Variants in ACO2 observed in about 807,000 individuals in gnomAD.
The protein encoded by ACO2 is aconitase 2.
A neutral mutation model predicts 84.5 loss-of-function variants in ACO2; 31 were observed. The observed-to-expected ratio is 0.37, with a 90% confidence interval of 0.28 to 0.50. ACO2 has a LOEUF of 0.50. ACO2 is among the 20% of genes least tolerant of loss of function. ACO2 has a pLI of 0.97. For missense variants in ACO2, 685 were observed against 1,029.3 expected (o/e 0.67, Z 4.58); for synonymous variants, 414 against 412.7 (o/e 1.00, Z -0.04).
chr22:41,494,278 A>G (rs1192601754), intron 1 of ACO2, among the ~76,000 whole-genome samples: 1 of 152,164 alleles, frequency 6.6e-6, no homozygotes, highest in African/African-American at 2.4e-5. Flanking sequence ...CCCGCCTGAG[A>G]TAATCATAGG....
chr22:41,526,467 G>T lies in ACO2; in HGVS notation c.1953+14G>T. 1 of 1,606,066 alleles carries T rather than the reference G, an allele frequency of 6.2e-7. No homozygotes were observed. Among genetic ancestry groups the T allele is most frequent in the Non-Finnish European group, 8.5e-7 (1 of 1,174,722 alleles). On this transcript the variant is annotated intron_variant, in intron 15 of 17. Coordinates refer to ENST00000216254, the MANE Select transcript of ACO2 (RefSeq NM_001098.3). ...CGCTACTACAAGGTGGGTCAGAGTT[G>T]ATAGGGGCAATGCCAGTGGTCACTC... is the stretch of plus-strand genomic sequence containing the variant.
chr22:41,507,393 T>G (rs1413040701), intron 2 of ACO2, among the ~76,000 whole-genome samples: 1 of 152,046 alleles, frequency 6.6e-6, no homozygotes, highest in African/African-American at 2.4e-5. Context: ...CTGAGCCTGT[T>G]TCTTGGTTGT....
At chr22:41,487,838 G>A (rs1451426290) in intron 1 of ACO2, among the ~76,000 whole-genome samples, 1 of 152,008 alleles carries the variant, frequency 6.6e-6, no homozygotes, top group African/African-American at 2.4e-5. Flanking sequence ...TGCTCTTCCC[G>A]TTGCCTTCCC....
intron 1 of ACO2, among the ~76,000 whole-genome samples, chr22:41,485,257 C>T (rs1436806788): frequency 1.3e-5 from 2 of 151,748 alleles, no homozygotes; most frequent in Admixed American, 6.6e-5. Flanking sequence ...GCCACACCCT[C>T]CCCTGCCTGG....
In ACO2 at chr22:41,528,097, G is replaced by A. The variant is rs551215620; in HGVS notation, c.2208+75G>A. The stretch of plus-strand genomic sequence containing the variant: ...TGTTTCCCCTCCTGCACTGGCCCCA[G>A]GGTAGCTTCTCCCAGGAGGCTTCAT... On this transcript the variant is annotated intron_variant, in intron 17 of 17. Coordinates refer to ENST00000216254, the MANE Select transcript of ACO2 (RefSeq NM_001098.3). 6.5e-5 allele frequency: 104 copies of A among 1,595,960 alleles called. No homozygotes were observed. The East Asian group carries it at 2.1e-3, about 33-fold the overall frequency.
intron 1 of ACO2, among the ~76,000 whole-genome samples, chr22:41,492,595 G>A (rs2066279607): frequency 6.6e-6 from 1 of 152,150 alleles, no homozygotes; most frequent in Non-Finnish European, 1.5e-5. Context: ...CCAACATGGT[G>A]AAACCCCGTC....
chr22:41,480,427 A>C (rs1438924260), intron 1 of ACO2, among the ~76,000 whole-genome samples: 1 of 152,120 alleles, frequency 6.6e-6, no homozygotes, highest in Non-Finnish European at 1.5e-5. Flanking sequence ...GTTCCATTTC[A>C]ATTCCAAGAT....
intron 15 of ACO2, chr22:41,526,762 AG>A (rs1435647399): frequency 2.7e-5 from 10 of 363,926 alleles, no homozygotes; most frequent in Non-Finnish European, 4.0e-5. Context: ...AAGCTCAGAG[AG>A]GGGGCTACAC....
At chr22:41,493,968 A>G (rs1485299604) in intron 1 of ACO2, among the ~76,000 whole-genome samples, 1 of 147,184 alleles carries the variant, frequency 6.8e-6, no homozygotes, top group Non-Finnish European at 1.5e-5. Context: ...TGGAGACAGG[A>G]GAATTGCTTG....
chr22:41,528,038 C>T lies in ACO2; in HGVS notation c.2208+16C>T, dbSNP rs377746508. 19 of 1,613,866 alleles carry T rather than the reference C, an allele frequency of 1.2e-5. No homozygotes were observed. The highest frequency in any genetic ancestry group is 3.3e-5 in the South Asian group (3 of 91,076). ...CCCTGGCAAGGTTAGGGGCCCGGGTCCCCCTGAGGTGGTGGGGTGAGGGGC... is the reference window on the plus strand; with the variant it reads ...CCCTGGCAAGGTTAGGGGCCCGGGTTCCCCTGAGGTGGTGGGGTGAGGGGC... On this transcript the variant is annotated intron_variant, in intron 17 of 17. Coordinates refer to ENST00000216254, the MANE Select transcript of ACO2 (RefSeq NM_001098.3).
Position 41,524,921 on chromosome 22 carries a change from A to C in ACO2, c.1558A>C (p.Lys520Gln), listed in dbSNP as rs756019199. 1.9e-6 allele frequency: 3 copies of C among 1,614,130 alleles called. No homozygotes were observed. Among genetic ancestry groups the C allele is most frequent in the Non-Finnish European group, 2.5e-6 (3 of 1,180,012 alleles). The change falls in exon 13 of 18, where the codon AAG becomes CAG. Residue 520 changes from lysine (K) to glutamine (Q), a missense_variant. Transcript: ENST00000216254. ...ETDYLTGTDG[K>Q]KFRLEAPDAD... ...CGACTACCTGACGGGCACGGATGGC[A>C]AGAAGTTCAGGCTGGAGGCTCCGGA...
chr22:41,526,401 A>T lies in ACO2; in HGVS notation c.1901A>T (p.Asn634Ile), dbSNP rs760924769. ...IENGKANSVR[N>I]AVTQEFGPVP... is the part of the protein sequence containing the mutation. ...AACGGCAAGGCCAACTCCGTGCGCA[A>T]TGCCGTCACTCAGGAGTTTGGCCCC... is the stretch of plus-strand genomic sequence containing the variant. Residue 634 changes from asparagine (N) to isoleucine (I), a missense_variant, in exon 15 of 18, where the codon AAT (asparagine) becomes ATT (isoleucine). Asn to Ile is a moderately radical substitution (Grantham distance 149). Around this residue, in one of 5 missense-constraint regions of ACO2, gnomAD observed 174 missense variants for 236.6 expected, o/e 0.74. Transcript: ENST00000216254. 6.2e-7 allele frequency: 1 copy of T among 1,613,752 alleles called. No homozygotes were observed. The highest frequency in any genetic ancestry group is 8.5e-7 in the Non-Finnish European group (1 of 1,180,000).
chr22:41,527,530 C>A, intron 16 of ACO2, 110 bp downstream of exon 16: 1 of 1,418,072 alleles, frequency 7.1e-7, no homozygotes, highest in Non-Finnish European at 9.5e-7. Context: ...TCCACTGCAG[C>A]CCACAGGCCC....
intron 1 of ACO2, among the ~76,000 whole-genome samples, chr22:41,491,933 G>A (rs756899579): frequency 2.0e-5 from 3 of 152,178 alleles, no homozygotes; most frequent in Non-Finnish European, 4.4e-5. Context: ...GAAAGGAGGG[G>A]CCATATGAGG....
chr22:41,484,799 A>C (rs1447293963), intron 1 of ACO2, among the ~76,000 whole-genome samples: 1 of 151,824 alleles, frequency 6.6e-6, no homozygotes, highest in Non-Finnish European at 1.5e-5. Context: ...TTTTTTTCCA[A>C]GTGAGGAAAT....
chr22:41,483,183 C>T (rs2038109850), intron 1 of ACO2, among the ~76,000 whole-genome samples: 1 of 152,132 alleles, frequency 6.6e-6, no homozygotes, highest in South Asian at 2.1e-4. Context: ...TTTTACAAGG[C>T]CTGAGACGTA....
At chr22:41,518,625 G>C (rs1266618729) in intron 8 of ACO2, 53 bp downstream of exon 8, 5 of 1,407,604 alleles carry the variant, frequency 3.6e-6, no homozygotes, top group Non-Finnish European at 5.0e-6. Flanking sequence ...GTGGGGAGCA[G>C]GGCGGGTCCT....
intron 1 of ACO2, among the ~76,000 whole-genome samples, chr22:41,470,766 C>T (rs1185736649): frequency 1.3e-5 from 2 of 152,080 alleles, no homozygotes; most frequent in Non-Finnish European, 2.9e-5. Flanking sequence ...TGGTCACAAA[C>T]TCCTGACCTC....
At chr22:41,507,669 T>G (rs921998244) in intron 2 of ACO2, 122 bp from the exon 3 acceptor site, 4 of 1,382,866 alleles carry the variant, frequency 2.9e-6, no homozygotes, top group Non-Finnish European at 3.9e-6. Flanking sequence ...GTTGAGGTCC[T>G]GAGTTCAGAC....
Sources: allele counts gnomAD v4.1 joint callset (sites outside exome capture counted in the v4.1 genomes callset), GRCh38; gene constraint gnomAD v4.1.1; regional missense constraint gnomAD v4.1.1; transcripts MANE v1.5; gene names NCBI Gene and HGNC (gene_info 2026-07-23, HGNC 2026-07-21).